Variants in MPP3 observed in about 807,000 individuals in gnomAD.
MPP3 encodes MAGUK p55 subfamily member 3.
In MPP3, 48 loss-of-function variants were observed where a neutral mutation model predicts 80.7. The observed-to-expected ratio is 0.59, with a 90% confidence interval of 0.47 to 0.76. The LOEUF (loss-of-function observed/expected upper bound fraction) is 0.76, where lower values mean the gene tolerates loss of function less well. MPP3 is among the 30% of genes least tolerant of loss of function. MPP3 has a pLI of 0.00. For synonymous variants in MPP3, 311 were observed against 297.6 expected, an observed-to-expected ratio of 1.04 and a Z score of -0.46; for missense variants, 620 against 763.0, an observed-to-expected ratio of 0.81 and a Z score of 2.21.
Position 43,811,181 on chromosome 17 carries a change from T to G in MPP3, c.1280A>C (p.His427Pro). The change falls in exon 17 of 20, where the codon CAT (histidine) becomes CCT (proline). Residue 427 changes from histidine (H) to proline (P), a missense_variant. His to Pro is a moderately conservative substitution (Grantham distance 77). Transcript: ENST00000398389. The stretch of plus-strand genomic sequence containing the variant: ...GTGATATTCCACTCCTTCCTTCTCA[T>G]GGCTCTTTCGGGGCCTGGTGGTATC... ...VPHTTRPRKSHEKEGVEYHFV... is the reference protein window; with the variant it reads ...VPHTTRPRKSPEKEGVEYHFV... 6 of 1,614,122 alleles carry G rather than the reference T, an allele frequency of 3.7e-6. No homozygotes were observed. Among genetic ancestry groups the G allele is most frequent in the Non-Finnish European group, 5.1e-6 (6 of 1,179,944 alleles).
chr17:43,811,182 G>T lies in MPP3; in HGVS notation c.1279C>A (p.His427Asn). ...TGATATTCCACTCCTTCCTTCTCAT[G>T]GCTCTTTCGGGGCCTGGTGGTATCT... is the stretch of plus-strand genomic sequence containing the variant. ...VPHTTRPRKS[H>N]EKEGVEYHFV... The change falls in exon 17 of 20, where the codon CAT becomes AAT. Residue 427 changes from histidine to asparagine, a missense_variant. Physicochemically the swap from His to Asn is moderately conservative, Grantham distance 68. Coordinates refer to ENST00000398389, the MANE Select transcript of MPP3 (RefSeq NM_001932.6). The T allele has an allele frequency of 6.2e-7, 1 of 1,614,002 alleles. No individual in the cohort carries two copies. Among genetic ancestry groups the T allele is most frequent in the Non-Finnish European group, 8.5e-7 (1 of 1,179,886 alleles).
chr17:43,812,723 A>G (rs1009076342), intron 16 of MPP3, among the ~76,000 whole-genome samples: 1 of 152,184 alleles, frequency 6.6e-6, no homozygotes, highest in Non-Finnish European at 1.5e-5. Flanking sequence ...GGGCCTGACC[A>G]TCCAGGTACC....
At chr17:43,813,788 C>T (rs1289400038) in intron 16 of MPP3, among the ~76,000 whole-genome samples, 1 of 152,156 alleles carries the variant, frequency 6.6e-6, no homozygotes, top group Non-Finnish European at 1.5e-5. Context: ...CAGGCAGGAA[C>T]CAAGCAAGTG....
intron 16 of MPP3, among the ~76,000 whole-genome samples, 188 bp downstream of exon 16, chr17:43,813,823 G>A (rs981767443): frequency 6.6e-6 from 1 of 152,164 alleles, no homozygotes; most frequent in Non-Finnish European, 1.5e-5. Flanking sequence ...GCCTCAGAGG[G>A]TCTCAGAGGA....
chr17:43,830,518 T>G (rs2045914212), intron 5 of MPP3, among the ~76,000 whole-genome samples: 1 of 152,200 alleles, frequency 6.6e-6, no homozygotes, highest in African/African-American at 2.4e-5. Context: ...CAGATGCTAT[T>G]TTATGAATGA....
At chr17:43,827,313 GCTTTTTTTTTTTTTT>G (rs1361116707) in intron 8 of MPP3, among the ~76,000 whole-genome samples, 6 of 143,898 alleles carry the variant, frequency 4.2e-5, no homozygotes, top group Non-Finnish European at 6.0e-5. Flanking sequence ...ACTGTGCCTG[GCTTTTTTTTTTTTTT>G]CTTTTTTTTT....
chr17:43,828,533 A>T (rs1249024043), intron 7 of MPP3, among the ~76,000 whole-genome samples: 3 of 152,202 alleles, frequency 2.0e-5, no homozygotes, highest in Admixed American at 6.5e-5. Flanking sequence ...ATCCTCTCCA[A>T]GCCTGTTTCC....
At chr17:43,826,832 T>TATATATATATATATATATATATATA (rs1567824060) in intron 8 of MPP3, among the ~76,000 whole-genome samples, 13 of 110,756 alleles carry the variant, frequency 1.2e-4, no homozygotes, top group African/African-American at 5.0e-4. Flanking sequence ...ATATATATAT[T>TATATATATATATATATATATATATA]TTTTTTTTTT....
intron 3 of MPP3, 82 bp from the exon 4 acceptor site, chr17:43,831,759 C>G: frequency 2.1e-6 from 3 of 1,427,688 alleles, no homozygotes; most frequent in Non-Finnish European, 2.9e-6. Flanking sequence ...GGGCCTCAAA[C>G]AGCACTTCAG....
chr17:43,808,062 C>T (rs1169190163), intron 19 of MPP3, among the ~76,000 whole-genome samples: 2 of 152,154 alleles, frequency 1.3e-5, no homozygotes, highest in African/African-American at 2.4e-5. Context: ...CAAGACCAGC[C>T]TGGACAACAT....
intron 9 of MPP3, among the ~76,000 whole-genome samples, chr17:43,824,455 C>G (rs1468591154): frequency 1.3e-5 from 2 of 152,070 alleles, no homozygotes; most frequent in South Asian, 2.1e-4. Flanking sequence ...TGGGGCTGGT[C>G]TCTGATTAAT....
intron 18 of MPP3, among the ~76,000 whole-genome samples, chr17:43,809,695 TG>T (rs1425775794): frequency 3.9e-5 from 6 of 151,960 alleles, no homozygotes; most frequent in African/African-American, 1.5e-4. Context: ...CTGGCTAACA[TG>T]GTGAAACCCC....
chr17:43,822,796 G>A (rs923067231), intron 10 of MPP3, among the ~76,000 whole-genome samples: 2 of 151,818 alleles, frequency 1.3e-5, no homozygotes, highest in Non-Finnish European at 2.9e-5. Flanking sequence ...ACTTCCAGCT[G>A]CCAGCACCTG....
At chr17:43,810,440 C>G (rs1441254288) in intron 18 of MPP3, among the ~76,000 whole-genome samples, 1 of 152,070 alleles carries the variant, frequency 6.6e-6, no homozygotes, top group Non-Finnish European at 1.5e-5. Flanking sequence ...AGGGGGAGGC[C>G]TGGCACCGAG....
At chr17:43,820,819 T>A (rs2045417459) in intron 11 of MPP3, 43 bp downstream of exon 11, 1 of 1,593,796 alleles carries the variant, frequency 6.3e-7, no homozygotes, top group African/African-American at 1.3e-5. Flanking sequence ...CCTGTGCCTC[T>A]GCCACTCTGG....
chr17:43,829,912 T>C, intron 6 of MPP3, 115 bp downstream of exon 6: 1 of 1,549,352 alleles, frequency 6.5e-7, no homozygotes, highest in Non-Finnish European at 8.8e-7. Context: ...GCCCAGACAC[T>C]AGTGCTGAGG....
At chr17:43,820,101 A>G (rs1324970375) in intron 11 of MPP3, among the ~76,000 whole-genome samples, 1 of 152,004 alleles carries the variant, frequency 6.6e-6, no homozygotes, top group African/African-American at 2.4e-5. Context: ...GTGTGCAACC[A>G]TGCCCAGCTA....
chr17:43,830,036 C>A lies in MPP3; in HGVS notation c.294G>T (p.Pro98=). ...GGCTCTGTGTGACTACCCTCAGGTG[C>A]GGGGTGGACAGCAGCTGGAGCAGCT... ...ERELLQLLST[P]HLRAVLMVHD... is the part of the protein sequence containing the mutation. The change falls in exon 6 of 20, where the codon CCG becomes CCT. Residue 98 remains proline (P), a synonymous_variant. Coordinates refer to ENST00000398389, the MANE Select transcript of MPP3 (RefSeq NM_001932.6). 6.3e-7 allele frequency: 1 copy of A among 1,598,592 alleles called. No individual in the cohort carries two copies. Among genetic ancestry groups the A allele is most frequent in the Non-Finnish European group, 8.5e-7 (1 of 1,174,140 alleles).
intron 16 of MPP3, among the ~76,000 whole-genome samples, chr17:43,813,559 C>T (rs1239509590): frequency 6.6e-6 from 1 of 152,148 alleles, no homozygotes; most frequent in Admixed American, 6.5e-5. Context: ...CCCAGCTACC[C>T]TGACAAACTG....
Sources: allele counts gnomAD v4.1 joint callset (sites outside exome capture counted in the v4.1 genomes callset), GRCh38; gene constraint gnomAD v4.1.1; transcripts MANE v1.5; gene names NCBI Gene and HGNC (gene_info 2026-07-23, HGNC 2026-07-21).